Variants in USP9X observed in about 807,000 individuals in gnomAD.
USP9X encodes the protein ubiquitin carboxyl-terminal hydrolase 9X.
Under a neutral mutation model 190.3 loss-of-function variants are expected in USP9X, and 7 were observed. That is an observed-to-expected ratio of 0.04 (90% CI 0.02 to 0.07). The LOEUF (loss-of-function observed/expected upper bound fraction) is 0.07. Among genes scored for constraint, USP9X ranks in the 10% least tolerant of loss-of-function variants. USP9X has a pLI of 1.00. For synonymous variants in USP9X, 645 were observed against 659.5 expected (o/e 0.98, Z 0.34); for missense variants, 1,010 against 1,916.9 (o/e 0.53, Z 8.83).
In USP9X at chrX:41,169,986, TC is replaced by T. The variant is rs759839727; in HGVS notation, c.2637-3del. On this transcript the variant is annotated splice_polypyrimidine_tract_variant and splice_region_variant and intron_variant, in intron 18 of 44. Coordinates refer to ENST00000378308, the MANE Select transcript of USP9X (RefSeq NM_001039591.3). ...ATATGATGATGTCTGTCTTTCTTTT[TC>T]CCCCCAGAGCATTCCGCGGTAAACA... is the stretch of plus-strand genomic sequence containing the variant. The T allele has an allele frequency of 1.9e-5, 23 of 1,207,189 alleles. No homozygotes were observed. The highest frequency in any genetic ancestry group is 2.6e-5 in the Non-Finnish European group (23 of 893,998).
intron 21 of USP9X, among the ~76,000 whole-genome samples, chrX:41,174,987 A>G (rs1189199638): frequency 8.9e-6 from 1 of 111,975 alleles, no homozygotes; most frequent in Admixed American, 9.4e-5. Context: ...GTCTGAAGAA[A>G]AAAAAAAGTA....
chrX:41,225,054 A>G lies in USP9X; in HGVS notation c.6978A>G (p.Ala2326=), dbSNP rs968951726. The G allele has an allele frequency of 8.3e-7, 1 of 1,210,029 alleles. No homozygotes were observed. Among genetic ancestry groups the G allele is most frequent in the Non-Finnish European group, 1.1e-6 (1 of 895,162 alleles). Residue 2326 remains alanine, a synonymous_variant, in exon 41 of 45, where the codon GCA becomes GCG. Transcript: ENST00000378308. The part of the protein sequence containing the change: ...TVLSELLWQV[A]YSYTYELRPY... ...CATGTCTTACTTGTTTTTAGGTTGC[A>G]TATTCCTATACCTATGAACTGCGGC...
intron 1 of USP9X, among the ~76,000 whole-genome samples, chrX:41,117,802 G>A (rs1238192553): frequency 9.3e-6 from 1 of 108,087 alleles, no homozygotes; most frequent in African/African-American, 3.4e-5. Flanking sequence ...CTCGTGATCC[G>A]CACACCTTGG....
At chrX:41,099,856 G>C (rs777052085) in intron 1 of USP9X, among the ~76,000 whole-genome samples, 8 of 111,481 alleles carry the variant, frequency 7.2e-5, no homozygotes, top group African/African-American at 2.6e-4. Flanking sequence ...AATTAGCTAG[G>C]CTTGGTGGCA....
chrX:41,159,203 C>A (rs1353743798), intron 14 of USP9X, among the ~76,000 whole-genome samples: 1 of 111,659 alleles, frequency 9.0e-6, no homozygotes, highest in East Asian at 2.8e-4. Context: ...TGAAAAGATG[C>A]TTAGTATTAT....
At chrX:41,133,533 T>C (rs2062342923) in intron 4 of USP9X, among the ~76,000 whole-genome samples, 1 of 111,977 alleles carries the variant, frequency 8.9e-6, no homozygotes, top group Non-Finnish European at 1.9e-5. Context: ...TTTTAAAATG[T>C]ACAATTAAAT....
intron 12 of USP9X, among the ~76,000 whole-genome samples, chrX:41,149,611 T>G (rs1240992405): frequency 9.0e-6 from 1 of 110,573 alleles, no homozygotes; most frequent in African/African-American, 3.3e-5. Flanking sequence ...TTAGAGAAAT[T>G]TCTTCTCGGA....
Position 41,187,863 on chromosome X carries a change from T to C in USP9X, c.3685-129T>C. ...TTTTTTTTTTTAAGACAAAGGCAAC[T>C]TGGGAATTTAAAAACAATGGTACTA... On this transcript the variant is annotated intron_variant, in intron 24 of 44. Coordinates refer to ENST00000378308, the MANE Select transcript of USP9X (RefSeq NM_001039591.3). The C allele has an allele frequency of 4.9e-6, 3 of 616,864 alleles. No individual in the cohort carries two copies. In the South Asian group the frequency reaches 1.4e-4, roughly 30 times the overall value. 50.8% of individuals were successfully genotyped at this position (616,864 alleles called of 1,213,427 possible).
chrX:41,200,930 C>T, intron 30 of USP9X, 130 bp from the exon 31 acceptor site: 1 of 623,606 alleles, frequency 1.6e-6, no homozygotes, highest in Non-Finnish European at 2.5e-6. Flanking sequence ...CAGAACACTG[C>T]TTCAGGTTGC....
chrX:41,096,987 C>T (rs1331071147), intron 1 of USP9X, among the ~76,000 whole-genome samples: 1 of 111,907 alleles, frequency 8.9e-6, no homozygotes, highest in East Asian at 2.8e-4. Context: ...TGGTTATATT[C>T]CTCCATTTAC....
intron 1 of USP9X, among the ~76,000 whole-genome samples, chrX:41,098,268 G>A (rs368041521): frequency 3.7e-5 from 4 of 108,378 alleles, no homozygotes; most frequent in Non-Finnish European, 7.6e-5. Flanking sequence ...AGCCTCCCGA[G>A]TAGCTGGAAT....
chrX:41,090,645 A>G (rs2061949066), intron 1 of USP9X, among the ~76,000 whole-genome samples: 1 of 112,122 alleles, frequency 8.9e-6, no homozygotes, highest in South Asian at 3.7e-4. Flanking sequence ...TCTATAGGTG[A>G]GTCTGATGTG....
In USP9X at chrX:41,162,860, A is replaced by G; in HGVS notation, c.1968A>G (p.Glu656=). Residue 656 remains glutamate (E), a synonymous_variant, in exon 15 of 45, where the codon GAA becomes GAG. Transcript: ENST00000378308. ...ATAGTCATGTTCAAGAAGTTCAAGA[A>G]CGGCTTAACTTCCTTAGGTTTGTTT... The part of the protein sequence containing the change: ...SRYSHVQEVQ[E]RLNFLRFLLK... 8.3e-7 allele frequency: 1 copy of G among 1,206,751 alleles called. No individual in the cohort carries two copies. The highest frequency in any genetic ancestry group is 1.8e-5 in the South Asian group (1 of 55,971).
At chrX:41,091,413 A>G (rs187027679) in intron 1 of USP9X, among the ~76,000 whole-genome samples, 9 of 111,712 alleles carry the variant, frequency 8.1e-5, no homozygotes, top group East Asian at 5.6e-4. Flanking sequence ...TTGATGCTCT[A>G]TTATCTCTAT....
chrX:41,093,583 TC>T (rs1274161773), intron 1 of USP9X, among the ~76,000 whole-genome samples: 1 of 111,402 alleles, frequency 9.0e-6, no homozygotes, highest in Non-Finnish European at 1.9e-5. Context: ...CCTCAGGTGA[TC>T]CGCCTGCCTC....
chrX:41,184,657 T>C lies in USP9X; in HGVS notation c.3540T>C (p.Gly1180=), dbSNP rs751276404. Residue 1180 remains glycine, a synonymous_variant, in exon 23 of 45, where the codon GGT becomes GGC. Transcript: ENST00000378308. ...AAGCTTGTCAGCCAGGTGTAGAAGG[T>C]GTGAATCCCATGACACAGGTAATAC... ...VAEACQPGVE[G]VNPMTQINQV... 1.7e-6 allele frequency: 2 copies of C among 1,210,757 alleles called. No individual in the cohort carries two copies. The highest frequency in any genetic ancestry group is 2.2e-6 in the Non-Finnish European group (2 of 894,692).
chrX:41,098,839 C>CTGG, intron 1 of USP9X, among the ~76,000 whole-genome samples: 2 of 111,004 alleles, frequency 1.8e-5, no homozygotes, highest in African/African-American at 6.6e-5. Flanking sequence ...GCCACCGTGC[C>CTGG]CAGCCAACTT....
intron 13 of USP9X, among the ~76,000 whole-genome samples, chrX:41,152,208 T>G (rs1389408023): frequency 8.9e-6 from 1 of 112,068 alleles, no homozygotes; most frequent in Non-Finnish European, 1.9e-5. Flanking sequence ...TGTAAGAAAT[T>G]GAGACATATA....
intron 3 of USP9X, among the ~76,000 whole-genome samples, chrX:41,130,623 G>A (rs1430834488): frequency 3.0e-5 from 3 of 98,454 alleles, no homozygotes; most frequent in South Asian, 4.9e-4. Context: ...CGAGTAGCTA[G>A]GACTACAGGC....
Sources: gnomAD v4.1 joint callset for allele counts (sites outside exome capture counted in the v4.1 genomes callset) on GRCh38, gnomAD v4.1.1 for gene constraint, MANE v1.5 for transcripts, NCBI Gene and HGNC (gene_info 2026-07-23, HGNC 2026-07-21) for gene names.